RP1: variants seen among roughly 807,000 people sequenced by gnomAD.
RP1 encodes the protein oxygen-regulated protein 1.
RP1 carries 16 observed loss-of-function variants against 14.8 expected under a neutral mutation model. That is an observed-to-expected ratio of 1.08 (90% CI 0.73 to 1.65). The LOEUF (loss-of-function observed/expected upper bound fraction) is 1.65, where lower values mean the gene tolerates loss of function less well. RP1 is among the 40% of genes most tolerant of loss of function. RP1 has a pLI of 0.00. For missense variants in RP1, 2,631 were observed against 2,535.0 expected, an observed-to-expected ratio of 1.04 and a Z score of -0.81; for synonymous variants, 876 against 883.6, an observed-to-expected ratio of 0.99 and a Z score of 0.15.
intron 17 of RP1, chr8:54,734,424 G>T (rs966367333): frequency 2.5e-6 from 2 of 814,232 alleles, no homozygotes; most frequent in Non-Finnish European, 3.8e-6. Flanking sequence ...ACAGTGCAGT[G>T]CCTCCTGCTT....
At chr8:54,576,013 G>A (rs375415393) in intron 1 of RP1, among the ~76,000 whole-genome samples, 1 of 151,380 alleles carries the variant, frequency 6.6e-6, no homozygotes, top group South Asian at 2.1e-4. Flanking sequence ...ATATCCTAGG[G>A]AGAAAAAGAA....
chr8:54,786,143 G>A (rs919115802), intron 24 of RP1, among the ~76,000 whole-genome samples: 3 of 151,902 alleles, frequency 2.0e-5, no homozygotes, highest in African/African-American at 4.8e-5. Flanking sequence ...CTTTCAAATC[G>A]GACTGAAGAG....
In RP1 at chr8:54,658,278, G is replaced by A. The variant is rs976593333; in HGVS notation, c.1171+2063G>A. On this transcript the variant is annotated intron_variant, in intron 6 of 22. Transcript: ENST00000636932. ...CTTTTTAAGACTGCGTAGGCCGGGC[G>A]CGGTGGCTCACGCCTGTAATCCCAG... Among the ~76,000 whole-genome samples, 14 of 149,818 alleles carry A rather than the reference G, an allele frequency of 9.3e-5. 1 individual carries two copies. Among genetic ancestry groups the A allele is most frequent in the African/African-American group, 3.3e-4 (13 of 39,242 alleles).
chr8:54,697,673 G>T (rs111382341), intron 12 of RP1, among the ~76,000 whole-genome samples: 4,561 of 152,250 alleles, frequency 0.03, 232 homozygotes, highest in African/African-American at 0.1. Flanking sequence ...AAACAGCATG[G>T]TACTGGTACC....
upstream of RP1, among the ~76,000 whole-genome samples, chr8:54,611,744 T>G (rs919771962): frequency 6.6e-6 from 1 of 152,168 alleles, no homozygotes; most frequent in African/African-American, 2.4e-5. Context: ...TATACTTTCC[T>G]CTTTTTTAAT....
At position 54,625,632 on chromosome 8, in the gene RP1, G is replaced by A; in HGVS notation, c.1750G>A (p.Val584Met). 2 of 1,614,136 alleles carry A rather than the reference G, an allele frequency of 1.2e-6. No individual in the cohort carries two copies. The highest frequency in any genetic ancestry group is 1.7e-6 in the Non-Finnish European group (2 of 1,180,008). ...SIVEEDVVDCVVLDNKTGIKN... is the reference protein window; with the variant it reads ...SIVEEDVVDCMVLDNKTGIKN... ...TGTGGAGGAAGATGTAGTTGATTGTGTGGTATTGGACAACAAAACTGGTAT... is the reference window on the plus strand; with the variant it reads ...TGTGGAGGAAGATGTAGTTGATTGTATGGTATTGGACAACAAAACTGGTAT... The change falls in exon 4 of 4, where the codon GTG (valine) becomes ATG (methionine). Residue 584 changes from valine (V) to methionine (M), a missense_variant. Val to Met is a conservative substitution (Grantham distance 21). Coordinates refer to ENST00000220676, the MANE Select transcript of RP1 (RefSeq NM_006269.2).
chr8:54,719,041 G>A (rs1808473807), intron 15 of RP1, among the ~76,000 whole-genome samples: 1 of 152,122 alleles, frequency 6.6e-6, no homozygotes, highest in South Asian at 2.1e-4. Flanking sequence ...GATGGTCTAT[G>A]GTAAGGCCCA....
At chr8:54,701,372 T>G in intron 13 of RP1, 3 of 825,270 alleles carry the variant, frequency 3.6e-6, no homozygotes, top group Non-Finnish European at 5.0e-6. Flanking sequence ...ATTTTATAAA[T>G]AGTACAAAGT....
intron 1 of RP1, among the ~76,000 whole-genome samples, chr8:54,606,450 A>T (rs986906755): frequency 7.2e-5 from 11 of 151,948 alleles, no homozygotes; most frequent in African/African-American, 1.9e-4. Context: ...GGGTAACCCG[A>T]CCTTTCTCTC....
At chr8:54,579,727 G>T (rs1052166053) in intron 1 of RP1, among the ~76,000 whole-genome samples, 3 of 152,124 alleles carry the variant, frequency 2.0e-5, no homozygotes, top group Non-Finnish European at 4.4e-5. Flanking sequence ...TGTCTTGCTC[G>T]CAGTTAGAGA....
At chr8:54,708,081 A>G (rs530374213) in intron 15 of RP1, among the ~76,000 whole-genome samples, 1 of 152,334 alleles carries the variant, frequency 6.6e-6, no homozygotes, top group South Asian at 2.1e-4. Flanking sequence ...TATCCTCAAC[A>G]TTCACAAGTT....
intron 13 of RP1, among the ~76,000 whole-genome samples, chr8:54,700,088 GA>G: frequency 6.6e-6 from 1 of 152,172 alleles, no homozygotes; most frequent in Non-Finnish European, 1.5e-5. Flanking sequence ...AGAGGAACAT[GA>G]AAAATAGGAT....
At chr8:54,723,482 A>G (rs2129351627) in intron 16 of RP1, among the ~76,000 whole-genome samples, 1 of 152,298 alleles carries the variant, frequency 6.6e-6, no homozygotes, top group South Asian at 2.1e-4. Context: ...TCCCACTACC[A>G]TTTAACTGTT....
chr8:54,729,416 C>G (rs1416247660), intron 17 of RP1, among the ~76,000 whole-genome samples: 1 of 152,008 alleles, frequency 6.6e-6, no homozygotes, highest in Non-Finnish European at 1.5e-5. Flanking sequence ...ACTTTAAAAA[C>G]AAATAAACCT....
chr8:54,813,522 A>G (rs991017702), intron 24 of RP1, among the ~76,000 whole-genome samples: 3 of 152,244 alleles, frequency 2.0e-5, no homozygotes, highest in Non-Finnish European at 4.4e-5. Flanking sequence ...GAATGAGAAA[A>G]ACTTTTCCAC....
chr8:54,842,053 G>A (rs906982317), intron 25 of RP1, among the ~76,000 whole-genome samples: 5 of 152,152 alleles, frequency 3.3e-5, no homozygotes, highest in South Asian at 2.1e-4. Context: ...AATGCCTGCT[G>A]ACAACCTATA....
chr8:54,790,239 G>A lies in RP1; in HGVS notation c.3615+6529G>A, dbSNP rs576449458. ...TCCACCCAACATCAGAGCATGGGCAGATGTCTTGCCCAATTGGAGACCTTA... is the reference window on the plus strand; with the variant it reads ...TCCACCCAACATCAGAGCATGGGCAAATGTCTTGCCCAATTGGAGACCTTA... On this transcript the variant is annotated intron_variant, in intron 24 of 28. Transcript: ENST00000637698. Among the ~76,000 whole-genome samples the A allele has an allele frequency of 6.6e-5, 10 of 152,318 alleles. No individual in the cohort carries two copies. The East Asian group carries it at 1.7e-3, about 26-fold the overall frequency.
At chr8:54,621,987 C>T in intron 2 of RP1, 130 bp from the exon 3 acceptor site, 1 of 924,136 alleles carries the variant, frequency 1.1e-6, no homozygotes, top group East Asian at 2.6e-5. Flanking sequence ...ACCATTGGTG[C>T]CTAAGAAAAT....
chr8:54,663,656 G>A, intron 6 of RP1: 1 of 1,458,394 alleles, frequency 6.9e-7, no homozygotes, highest in Non-Finnish European at 9.0e-7. Flanking sequence ...TCTGTTATAT[G>A]AGTACTGCTT....
Sources: allele counts gnomAD v4.1 joint callset (sites outside exome capture counted in the v4.1 genomes callset), GRCh38; gene constraint gnomAD v4.1.1; transcripts MANE v1.5; gene names NCBI Gene and HGNC (gene_info 2026-07-23, HGNC 2026-07-21).